NAB1: variants seen among roughly 807,000 people sequenced by gnomAD.
NAB1 encodes NGFI-A binding protein 1.
A neutral mutation model predicts 49.9 loss-of-function variants in NAB1; 25 were observed. That is an observed-to-expected ratio of 0.50 (90% CI 0.37 to 0.70). The LOEUF is 0.70. NAB1 is among the 30% of genes least tolerant of loss of function. The pLI is 0.00. For missense variants in NAB1, 489 were observed against 575.9 expected (o/e 0.85, Z 1.54); for synonymous variants, 198 against 215.6 (o/e 0.92, Z 0.71).
intron 5 of NAB1, 94 bp from the exon 6 acceptor site, chr2:190,673,007 T>A (rs1461087653): frequency 9.6e-7 from 1 of 1,039,954 alleles, no homozygotes; most frequent in East Asian, 2.4e-5. Context: ...TCAGGGTATA[T>A]GTTTTGGTGG....
chr2:190,686,885 G>A lies in NAB1; in HGVS notation c.1259-316G>A, dbSNP rs540792783. 6.6e-6 allele frequency among the ~76,000 whole-genome samples: 1 copy of A among 151,374 alleles called. No individual in the cohort carries two copies. Among genetic ancestry groups the A allele is most frequent in the Non-Finnish European group, 1.5e-5 (1 of 67,872 alleles). On this transcript the variant is annotated intron_variant, in intron 8 of 9. Coordinates refer to ENST00000337386, the MANE Select transcript of NAB1 (RefSeq NM_005966.4). The surrounding 1 kb of genome is among the most constrained non-coding windows in gnomAD (Gnocchi z 5.5). The stretch of plus-strand genomic sequence containing the variant: ...AATGACATGCCTTGGTAAAATGGTT[G>A]TTCTAGTAAGAAAATGCCTTATAGA...
intron 6 of NAB1, among the ~76,000 whole-genome samples, chr2:190,681,309 G>A (rs1267601381): frequency 4.6e-5 from 7 of 152,130 alleles, no homozygotes; most frequent in Admixed American, 2.6e-4. Context: ...AATGATAACC[G>A]CTTATATTGA....
At position 190,676,565 on chromosome 2, in the gene NAB1, C is replaced by A. The variant is rs1029584280; in HGVS notation, c.1005+3413C>A. On this transcript the variant is annotated intron_variant, in intron 6 of 9. Coordinates refer to ENST00000337386, the MANE Select transcript of NAB1 (RefSeq NM_005966.4). The surrounding 1 kb of genome is among the most constrained non-coding windows in gnomAD (Gnocchi z 4.6). ...GCAACATGGCAAAACCCCATCCTTA[C>A]AAAAATTAGCCAGGCATGATGGCAT... Among the ~76,000 whole-genome samples, 1 of 152,086 alleles carries A rather than the reference C, an allele frequency of 6.6e-6. No individual in the cohort carries two copies. Among genetic ancestry groups the A allele is most frequent in the African/African-American group, 2.4e-5 (1 of 41,406 alleles).
rs1693962950 is a variant in NAB1, at chr2:190,657,098, T to C, written c.-20+945T>C. Among the ~76,000 whole-genome samples the C allele has an allele frequency of 6.6e-6, 1 of 152,192 alleles. No homozygotes were observed. On this transcript the variant is annotated intron_variant, in intron 3 of 9. Transcript: ENST00000337386. The surrounding 1 kb of genome is among the most constrained non-coding windows in gnomAD (Gnocchi z 4.4). ...TGGAGGAATTGCACGAGGTGTATGA[T>C]AGGAAAGTAAATGTCCTTTCTTCCA... is the stretch of plus-strand genomic sequence containing the variant.
At chr2:190,669,000 C>T (rs1694666925) in intron 4 of NAB1, among the ~76,000 whole-genome samples, 1 of 152,220 alleles carries the variant, frequency 6.6e-6, no homozygotes, top group African/African-American at 2.4e-5. Context: ...ACTGCTCTTG[C>T]ACTTTGGGGC....
intron 6 of NAB1, among the ~76,000 whole-genome samples, chr2:190,673,914 C>A (rs1229283278): frequency 6.6e-6 from 1 of 152,080 alleles, no homozygotes; most frequent in East Asian, 1.9e-4. Flanking sequence ...GAGTGGAAAT[C>A]TGGTCAGGTG....
Position 190,685,625 on chromosome 2 carries a change from C to T in NAB1, c.1245C>T (p.Asn415=), listed in dbSNP as rs1361573491. Residue 415 remains asparagine (N), a synonymous_variant, in exon 8 of 10, where the codon AAC becomes AAT. Transcript: ENST00000337386. The surrounding 1 kb of genome is among the most constrained non-coding windows in gnomAD (Gnocchi z 4.5). The part of the protein sequence containing the change: ...EHSPNGLTSD[N]SDGQGERPLN... ...GTCCTAACGGCTTGACTTCCGATAA[C>T]TCAGATGGACAAGGTACATCTTTAG... The T allele has an allele frequency of 2.5e-6, 4 of 1,608,404 alleles. No homozygotes were observed. The highest frequency in any genetic ancestry group is 3.4e-6 in the Non-Finnish European group (4 of 1,177,784).
intron 3 of NAB1, 183 bp from the exon 4 acceptor site, chr2:190,658,975 G>A: frequency 2.0e-6 from 1 of 501,978 alleles, no homozygotes; most frequent in African/African-American, 1.9e-5. Flanking sequence ...TTTAGTTACT[G>A]ACCTATAAGG....
At chr2:190,665,148 A>G (rs1219158915) in intron 4 of NAB1, among the ~76,000 whole-genome samples, 1 of 152,078 alleles carries the variant, frequency 6.6e-6, no homozygotes, top group Non-Finnish European at 1.5e-5. Context: ...GTTTTCCCTT[A>G]GTAATTAAAG....
chr2:190,671,744 C>G (rs1306670564), intron 5 of NAB1, among the ~76,000 whole-genome samples: 1 of 147,188 alleles, frequency 6.8e-6, no homozygotes, highest in Non-Finnish European at 1.5e-5. Flanking sequence ...TTAGCCATTT[C>G]CTCTAGTATT....
In NAB1 at chr2:190,654,659, C is replaced by G. The variant is rs1243126534; in HGVS notation, c.-196-1318C>G. Among the ~76,000 whole-genome samples the G allele has an allele frequency of 6.6e-6, 1 of 152,100 alleles. No individual in the cohort carries two copies. Among genetic ancestry groups the G allele is most frequent in the African/African-American group, 2.4e-5 (1 of 41,394 alleles). On this transcript the variant is annotated intron_variant, in intron 2 of 9. Transcript: ENST00000337386. This position sits in a 1 kb window ranked among gnomAD's most constrained non-coding sequence, Gnocchi z 5.6. ...AGTAGTTTGGATTTCTTTCTCTGCA[C>G]TGGTGGAGAAGTTCGCAAATCTGTA...
chr2:190,656,404 G>T (rs1269407051), intron 3 of NAB1, among the ~76,000 whole-genome samples: 1 of 152,176 alleles, frequency 6.6e-6, no homozygotes, highest in African/African-American at 2.4e-5. Flanking sequence ...TATCACAGCC[G>T]GCTTTGGAAG....
chr2:190,672,938 G>A (rs921930673), intron 5 of NAB1, among the ~76,000 whole-genome samples, 163 bp from the exon 6 acceptor site: 5 of 152,092 alleles, frequency 3.3e-5, no homozygotes, highest in Non-Finnish European at 7.4e-5. Flanking sequence ...AATGATGAAA[G>A]ATCTTTTCTT....
rs1216441455 is a variant in NAB1 at position 190,657,469 on chromosome 2, G to A, written c.-20+1316G>A. ...CCTAATCATGGAAGTCTCCTGAGAT[G>A]CATCTCAGGCACCTGGGAAACTGTA... is the stretch of plus-strand genomic sequence containing the variant. On this transcript the variant is annotated intron_variant, in intron 3 of 9. Transcript: ENST00000337386. The surrounding 1 kb of genome is among the most constrained non-coding windows in gnomAD (Gnocchi z 4.4). Among the ~76,000 whole-genome samples, 2 of 152,182 alleles carry A rather than the reference G, an allele frequency of 1.3e-5. No homozygotes were observed. The highest frequency in any genetic ancestry group is 6.5e-5 in the Admixed American group (1 of 15,282).
intron 3 of NAB1, among the ~76,000 whole-genome samples, chr2:190,658,607 C>T (rs920011751): frequency 3.9e-5 from 6 of 152,144 alleles, no homozygotes; most frequent in Non-Finnish European, 8.8e-5. Flanking sequence ...TATTTCTCAC[C>T]TCCAATTCAT....
rs1157669688 is a variant in NAB1 at position 190,652,293 on chromosome 2, T to C, written c.-197+2311T>C. On this transcript the variant is annotated intron_variant, in intron 2 of 9. Transcript: ENST00000337386. This position sits in a 1 kb window ranked among gnomAD's most constrained non-coding sequence, Gnocchi z 4.2. ...TTAATGATTTTTACAGAGAAACTTC[T>C]GAAAAGGTGAAAAAAACTTATAAAT... Among the ~76,000 whole-genome samples the C allele has an allele frequency of 6.6e-6, 1 of 152,196 alleles. No homozygotes were observed. The highest frequency in any genetic ancestry group is 1.5e-5 in the Non-Finnish European group (1 of 68,020).
Position 190,682,746 on chromosome 2 carries a change from A to G in NAB1, c.1006-992A>G, listed in dbSNP as rs934423716. Among the ~76,000 whole-genome samples, 1 of 152,250 alleles carries G rather than the reference A, an allele frequency of 6.6e-6. No homozygotes were observed. Among genetic ancestry groups the G allele is most frequent in the Non-Finnish European group, 1.5e-5 (1 of 68,044 alleles). ...ATATAAAACAGGCATATAAAAATTA[A>G]ATGATTTTTGAGTATCAAAAGTATA... On this transcript the variant is annotated intron_variant, in intron 6 of 9. Coordinates refer to ENST00000337386, the MANE Select transcript of NAB1 (RefSeq NM_005966.4). The surrounding 1 kb of genome is among the most constrained non-coding windows in gnomAD (Gnocchi z 4.1).
rs1218274233 is a variant in NAB1, at chr2:190,687,326, G to A, written c.1375+9G>A. The A allele has an allele frequency of 5.5e-6, 8 of 1,461,136 alleles. No homozygotes were observed. The highest frequency in any genetic ancestry group is 2.1e-5 in the Admixed American group (1 of 48,496). 90.5% of individuals were successfully genotyped at this position (1,461,136 alleles called of 1,614,324 possible). ...AAAGTCCCACTCATCAGGTGAGAAC[G>A]TGCTATATGATGAGAGGGTAACACT... is the stretch of plus-strand genomic sequence containing the variant. On this transcript the variant is annotated intron_variant, in intron 9 of 9. Transcript: ENST00000337386.
rs1339310135 is a variant in NAB1, at chr2:190,654,770, G to T, written c.-196-1207G>T. On this transcript the variant is annotated intron_variant, in intron 2 of 9. Transcript: ENST00000337386. The surrounding 1 kb of genome is among the most constrained non-coding windows in gnomAD (Gnocchi z 5.6). Reference sequence around the variant, plus strand: ...AAGAAGCAATGAACACTAGAATTTGGTGCTTTTGAGGCAGAGAAAGAAGTG... The same window carrying T: ...AAGAAGCAATGAACACTAGAATTTGTTGCTTTTGAGGCAGAGAAAGAAGTG... 1.3e-5 allele frequency among the ~76,000 whole-genome samples: 2 copies of T among 152,148 alleles called. No individual in the cohort carries two copies. The highest frequency in any genetic ancestry group is 1.9e-4 in the East Asian group (1 of 5,190).
Sources: allele counts gnomAD v4.1 joint callset (sites outside exome capture counted in the v4.1 genomes callset), GRCh38; gene constraint gnomAD v4.1.1; non-coding constraint Gnocchi (gnomAD v3.1); transcripts MANE v1.5; gene names NCBI Gene and HGNC (gene_info 2026-07-23, HGNC 2026-07-21).